The following SV2B variants were observed in gnomAD, a reference collection of about 807,000 sequenced individuals.
SV2B encodes synaptic vesicle glycoprotein 2B.
In SV2B, 41 loss-of-function variants were observed where a neutral mutation model predicts 73.9. The observed-to-expected ratio is 0.56, with a 90% CI of 0.43 to 0.72. The LOEUF is 0.72. Among genes scored for constraint, SV2B ranks in the 30% least tolerant of loss-of-function variants. SV2B has a pLI of 0.00. For missense variants in SV2B, 764 were observed against 857.8 expected (o/e 0.89, Z 1.37); for synonymous variants, 314 against 314.2 (o/e 1.00, Z 0.01).
chr15:91,201,060 C>A (rs1041497711), intron 1 of SV2B, among the ~76,000 whole-genome samples: 4 of 152,178 alleles, frequency 2.6e-5, no homozygotes, highest in Admixed American at 2.0e-4. Flanking sequence ...ATTGGCTATA[C>A]TTTCAGTAAA....
At chr15:91,251,673 C>A in intron 2 of SV2B, 146 bp from the exon 3 acceptor site, 1 of 1,020,608 alleles carries the variant, frequency 9.8e-7, no homozygotes, top group South Asian at 1.7e-5. Context: ...TTCCAATTTG[C>A]CACAAATATC....
intron 2 of SV2B, among the ~76,000 whole-genome samples, chr15:91,249,098 AC>A: frequency 6.7e-6 from 1 of 149,220 alleles, no homozygotes; most frequent in Non-Finnish European, 1.5e-5. Flanking sequence ...ACACACACAC[AC>A]ACACACACAT....
intron 12 of SV2B, 41 bp from the exon 13 acceptor site, chr15:91,292,328 T>TGGG: frequency 2.5e-6 from 4 of 1,591,360 alleles, no homozygotes; most frequent in Non-Finnish European, 3.4e-6. Context: ...TCATCTAATG[T>TGGG]GGTTCAGAAT....
intron 1 of SV2B, among the ~76,000 whole-genome samples, chr15:91,152,144 C>G (rs1166693550): frequency 6.7e-6 from 1 of 149,640 alleles, no homozygotes; most frequent in Non-Finnish European, 1.5e-5. Flanking sequence ...AAAGCTTCCA[C>G]AGTGTGGAAG....
chr15:91,268,702 C>A lies in SV2B; in HGVS notation c.1373+97C>A. On this transcript the variant is annotated intron_variant, in intron 9 of 12. Transcript: ENST00000394232. The surrounding 1 kb of genome is among the most constrained non-coding windows in gnomAD (Gnocchi z 4.4). ...GAGGGAAGATAAGAATCAAATATGG[C>A]CGGGAATGAGCGCCAAGGCTGGTGT... The A allele has an allele frequency of 6.8e-7, 1 of 1,473,146 alleles. No individual in the cohort carries two copies. Among genetic ancestry groups the A allele is most frequent in the Non-Finnish European group, 9.2e-7 (1 of 1,092,212 alleles). The allele number at this position is 1,473,146 out of a possible 1,614,324, so 91.3% of individuals were successfully genotyped here. A position where few individuals can be genotyped will look rare whatever the true frequency, so the allele number is the denominator to read the frequency against.
At chr15:91,282,560 C>T (rs911570627) in intron 10 of SV2B, among the ~76,000 whole-genome samples, 2 of 152,034 alleles carry the variant, frequency 1.3e-5, no homozygotes, top group African/African-American at 4.8e-5. Flanking sequence ...TAATCCTTCT[C>T]TTATAGCTAA....
intron 2 of SV2B, among the ~76,000 whole-genome samples, chr15:91,230,534 T>C (rs1320341568): frequency 6.6e-6 from 1 of 152,232 alleles, no homozygotes; most frequent in East Asian, 1.9e-4. Flanking sequence ...TTGAGCGTTA[T>C]GTTTTATTGG....
rs569196416 is a variant in SV2B at position 91,122,106 on chromosome 15, G to T, written c.-392+21743G>T. Among the ~76,000 whole-genome samples, 1 of 152,248 alleles carries T rather than the reference G, an allele frequency of 6.6e-6. No individual in the cohort carries two copies. The highest frequency in any genetic ancestry group is 1.5e-5 in the Non-Finnish European group (1 of 68,016). The stretch of plus-strand genomic sequence containing the variant: ...GTTTTAAAAGTAATGCTTGCCTGTT[G>T]ACTCCAGGAGTCTGACGCCAAAGAC... On this transcript the variant is annotated intron_variant, in intron 1 of 12. Transcript: ENST00000394232. This position sits in a 1 kb window ranked among gnomAD's most constrained non-coding sequence, Gnocchi z 4.3.
rs1412189651 is a variant in SV2B, at chr15:91,299,808, C to T, written c.*7256C>T. On this transcript the variant is annotated 3_prime_UTR_variant, in exon 13 of 13. Coordinates refer to ENST00000394232, the MANE Select transcript of SV2B (RefSeq NM_001323032.3). ...TACAGGCATGCGCCACCATGCCTGG[C>T]TAATTTTTGTATTTTTAGTAGAGAC... is the stretch of plus-strand genomic sequence containing the variant. The T allele has an allele frequency of 1.3e-5, 2 of 152,152 alleles. No individual in the cohort carries two copies. The highest frequency in any genetic ancestry group is 2.9e-5 in the Non-Finnish European group (2 of 68,052). The allele number at this position is 152,152 out of a possible 1,614,324, so 9.4% of individuals were successfully genotyped here.
At chr15:91,170,122 AT>A (rs1294677738) in intron 1 of SV2B, among the ~76,000 whole-genome samples, 2 of 152,228 alleles carry the variant, frequency 1.3e-5, no homozygotes, top group East Asian at 1.9e-4. Flanking sequence ...GTAGGTCCGT[AT>A]TTTTTTAAAG....
At position 91,195,592 on chromosome 15, in the gene SV2B, CT is replaced by C. The variant is rs2045217489; in HGVS notation, c.-391-30279del. Among the ~76,000 whole-genome samples the C allele has an allele frequency of 1.3e-5, 2 of 152,152 alleles. 1 individual carries two copies. The highest frequency in any genetic ancestry group is 4.1e-4 in the South Asian group (2 of 4,824). On this transcript the variant is annotated intron_variant, in intron 1 of 12. Coordinates refer to ENST00000394232, the MANE Select transcript of SV2B (RefSeq NM_001323032.3). ...TTGTGAAATTGCTTTGAAAATGAAG[CT>C]TGGTTTCTATTATGGCAGCATGGTG...
chr15:91,213,631 C>T (rs2045935698), intron 1 of SV2B, among the ~76,000 whole-genome samples: 1 of 152,028 alleles, frequency 6.6e-6, no homozygotes, highest in Admixed American at 6.6e-5. Flanking sequence ...ATGTCCCTGG[C>T]AAAGATCATA....
rs2141685595 is a variant in SV2B at position 91,267,580 on chromosome 15, T to C, written c.1145T>C (p.Val382Ala). 1 of 1,613,476 alleles carries C rather than the reference T, an allele frequency of 6.2e-7. No homozygotes were observed. Among genetic ancestry groups the C allele is most frequent in the East Asian group, 2.2e-5 (1 of 44,872 alleles). Residue 382 changes from valine to alanine, a missense_variant, in exon 8 of 13, where the codon GTG becomes GCG. By Grantham distance (64) the Val-to-Ala change is moderately conservative (BLOSUM62 0). Transcript: ENST00000394232. This position sits in a 1 kb window ranked among gnomAD's most constrained non-coding sequence, Gnocchi z 4.3. ...GTCTGGGATAATGCCCTGTACTGTG[T>C]GATGGGGCCCTACAGAATGAATACA... is the stretch of plus-strand genomic sequence containing the variant. Reference protein sequence around the residue: ...KQVWDNALYCVMGPYRMNTLI... With the variant: ...KQVWDNALYCAMGPYRMNTLI...
chr15:91,158,717 TCC>T (rs774468987), intron 1 of SV2B, among the ~76,000 whole-genome samples: 3,641 of 85,164 alleles, frequency 0.043, 984 homozygotes, highest in Non-Finnish European at 0.057. Flanking sequence ...TCCTCTCCTC[TCC>T]TCTCCTCTCT....
At chr15:91,255,876 A>G (rs1221253879) in intron 4 of SV2B, among the ~76,000 whole-genome samples, 3 of 152,210 alleles carry the variant, frequency 2.0e-5, no homozygotes. Context: ...ATTTGATGGT[A>G]TTTTCCAATG....
chr15:91,161,123 G>T (rs1324108858), intron 1 of SV2B, among the ~76,000 whole-genome samples: 2 of 152,168 alleles, frequency 1.3e-5, no homozygotes, highest in Non-Finnish European at 2.9e-5. Context: ...ATATGGAGAT[G>T]GGTGGTTTCT....
chr15:91,228,645 CA>C (rs2046462529), intron 2 of SV2B, among the ~76,000 whole-genome samples: 1 of 152,198 alleles, frequency 6.6e-6, no homozygotes, highest in Non-Finnish European at 1.5e-5. Flanking sequence ...GCTCCTAGGG[CA>C]AATGCTGGGA....
chr15:91,117,156 T>C (rs1232023542), intron 1 of SV2B, among the ~76,000 whole-genome samples: 1 of 151,964 alleles, frequency 6.6e-6, no homozygotes, highest in African/African-American at 2.4e-5. Flanking sequence ...GTCTCCTGCT[T>C]TTTGTTCCAT....
chr15:91,272,491 G>A (rs1484606031), intron 9 of SV2B, among the ~76,000 whole-genome samples: 1 of 152,112 alleles, frequency 6.6e-6, no homozygotes, highest in Non-Finnish European at 1.5e-5. Context: ...GACCCAGGAA[G>A]TAATGTCTTA....
Sources: allele counts gnomAD v4.1 joint callset (sites outside exome capture counted in the v4.1 genomes callset), GRCh38; gene constraint gnomAD v4.1.1; non-coding constraint Gnocchi (gnomAD v3.1); transcripts MANE v1.5; gene names NCBI Gene and HGNC (gene_info 2026-07-23, HGNC 2026-07-21).